Variants in TNFRSF14 observed in about 807,000 individuals in gnomAD.
TNFRSF14 encodes the protein tumor necrosis factor receptor superfamily member 14.
TNFRSF14 carries 18 observed loss-of-function variants against 34.1 expected under a neutral mutation model. That is an observed-to-expected ratio of 0.53 (90% CI 0.36 to 0.78). The LOEUF (loss-of-function observed/expected upper bound fraction) is 0.78. Among genes scored for constraint, TNFRSF14 ranks in the 30% least tolerant of loss-of-function variants. TNFRSF14 has a pLI of 0.00. For synonymous variants in TNFRSF14, 157 were observed against 153.2 expected (o/e 1.02, Z -0.18); for missense variants, 352 against 379.5 (o/e 0.93, Z 0.60).
chr1:2,557,620 C>T (rs913423099), intron 1 of TNFRSF14, 106 bp from the exon 2 acceptor site: 15 of 824,004 alleles, frequency 1.8e-5, no homozygotes, highest in South Asian at 1.7e-4. Context: ...CCAGGCACTG[C>T]CGCTCCTCCC....
chr1:2,555,477 G>C (rs1423283553), upstream of TNFRSF14: 1 of 152,200 alleles, frequency 6.6e-6, no homozygotes, highest in Non-Finnish European at 1.5e-5. This position sits in a 1 kb window ranked among gnomAD's most constrained non-coding sequence, Gnocchi z 6.3. Flanking sequence ...TCCCCCAGGG[G>C]CCAGGGCTGG....
intron 3 of TNFRSF14, chr1:2,559,592 A>C: frequency 6.5e-7 from 1 of 1,532,174 alleles, no homozygotes; most frequent in Non-Finnish European, 8.7e-7. Context: ...AAGCCCTCCC[A>C]GGACCTTCCT....
chr1:2,557,926 C>A, intron 2 of TNFRSF14, 92 bp downstream of exon 2: 2 of 1,085,736 alleles, frequency 1.8e-6, no homozygotes, highest in Non-Finnish European at 2.6e-6. Flanking sequence ...TTCTCTGCCC[C>A]CACAGCCATG....
intron 2 of TNFRSF14, 48 bp from the exon 3 acceptor site, chr1:2,558,295 G>T (rs202098226): frequency 6.4e-7 from 1 of 1,565,416 alleles, no homozygotes; most frequent in Non-Finnish European, 8.6e-7. Flanking sequence ...GTGGGCTCCC[G>T]AAGGGGCCTC....
Position 2,561,466 on chromosome 1 carries a change from C to A in TNFRSF14, c.552-207C>A. On this transcript the variant is annotated intron_variant, in intron 5 of 7. Coordinates refer to ENST00000355716, the MANE Select transcript of TNFRSF14 (RefSeq NM_003820.4). This position sits in a 1 kb window ranked among gnomAD's most constrained non-coding sequence, Gnocchi z 6.0. ...CCAGTCTCTCCTTGTTTCTCTTCTCCTCCTTCCTTCTCTCCACCTCCCCAT... is the reference window on the plus strand; with the variant it reads ...CCAGTCTCTCCTTGTTTCTCTTCTCATCCTTCCTTCTCTCCACCTCCCCAT... 6.7e-7 allele frequency: 1 copy of A among 1,494,036 alleles called. No homozygotes were observed. Among genetic ancestry groups the A allele is most frequent in the Non-Finnish European group, 9.0e-7 (1 of 1,117,212 alleles). The allele number at this position is 1,494,036 out of a possible 1,614,324, so 92.5% of individuals were successfully genotyped here.
intron 3 of TNFRSF14, 175 bp downstream of exon 3, chr1:2,558,643 G>C: frequency 7.7e-7 from 1 of 1,302,508 alleles, no homozygotes; most frequent in East Asian, 2.4e-5. Context: ...GTCAGCCTCC[G>C]GCCCCCGTCC....
At position 2,558,468 on chromosome 1, in the gene TNFRSF14, G is replaced by A; in HGVS notation, c.304G>A (p.Ala102Thr). The change falls in exon 3 of 8, where the codon GCC (alanine) becomes ACC (threonine). Residue 102 changes from alanine (A) to threonine (T), a missense_variant and splice_region_variant. By Grantham distance (58) the Ala-to-Thr change is moderately conservative. Coordinates refer to ENST00000355716, the MANE Select transcript of TNFRSF14 (RefSeq NM_003820.4). ...KCLQCQMCDP[A>T]MGLRASRNCS... ...TCTGCAGTGCCAAATGTGTGACCCA[G>A]GTAAGAGGCCAGCACAGCCGGCCCA... 6.2e-7 allele frequency: 1 copy of A among 1,613,042 alleles called. No individual in the cohort carries two copies. Among genetic ancestry groups the A allele is most frequent in the Non-Finnish European group, 8.5e-7 (1 of 1,179,814 alleles).
Position 2,560,414 on chromosome 1 carries a change from G to C in TNFRSF14, c.461-210G>C, listed in dbSNP as rs980441191. On this transcript the variant is annotated intron_variant, in intron 4 of 7. Transcript: ENST00000355716. ...CACAGAGGGACTCCCGGACTCATGA[G>C]ATCCCAGCTACTCAAGGCCGGGACA... 9 of 582,662 alleles carry C rather than the reference G, an allele frequency of 1.5e-5. No homozygotes were observed. In the South Asian group the frequency reaches 1.9e-4, roughly 12 times the overall value. 36.1% of individuals were successfully genotyped at this position (582,662 alleles called of 1,614,324 possible).
Position 2,556,539 on chromosome 1 carries a change from C to A in TNFRSF14, c.-126C>A. 1.0e-6 allele frequency: 1 copy of A among 1,001,616 alleles called. No homozygotes were observed. The highest frequency in any genetic ancestry group is 1.4e-5 in the South Asian group (1 of 72,850). The allele number at this position is 1,001,616 out of a possible 1,614,324, so 62.0% of individuals were successfully genotyped here. Reference sequence around the variant, plus strand: ...GGGTTCTGAGGCACAGCTTGTCACACCGAGGCGGATTCTCTTTCTCTTTCT... The same window carrying A: ...GGGTTCTGAGGCACAGCTTGTCACAACGAGGCGGATTCTCTTTCTCTTTCT... On this transcript the variant is annotated 5_prime_UTR_variant, in exon 1 of 8. Transcript: ENST00000355716.
In TNFRSF14 at chr1:2,561,690, C is replaced by T. The variant is rs371222870; in HGVS notation, c.569C>T (p.Thr190Met). 10 of 1,613,118 alleles carry T rather than the reference C, an allele frequency of 6.2e-6. No individual in the cohort carries two copies. Among genetic ancestry groups the T allele is most frequent in the South Asian group, 3.3e-5 (3 of 91,080 alleles). Residue 190 changes from threonine (T) to methionine (M), a missense_variant, in exon 6 of 8, where the codon ACG becomes ATG. Thr to Met is a moderately conservative substitution (Grantham distance 81, BLOSUM62 -1). Transcript: ENST00000355716. This position sits in a 1 kb window ranked among gnomAD's most constrained non-coding sequence, Gnocchi z 6.0. ...TCCCGCAGGTGCAGCTGGCTGGTGACGAAGGCCGGAGCTGGGACCAGCAGC... is the reference window on the plus strand; with the variant it reads ...TCCCGCAGGTGCAGCTGGCTGGTGATGAAGGCCGGAGCTGGGACCAGCAGC... The part of the protein sequence containing the change: ...QHQTKCSWLV[T>M]KAGAGTSSSH...
At chr1:2,556,364 C>T, upstream of TNFRSF14, 1 of 650,814 alleles carries the variant, frequency 1.5e-6, no homozygotes, top group Admixed American at 2.1e-5. Flanking sequence ...CATCGGGCGC[C>T]TCCTTCATAC....
intron 4 of TNFRSF14, 80 bp downstream of exon 4, chr1:2,560,058 C>G: frequency 2.1e-6 from 3 of 1,453,244 alleles, no homozygotes; most frequent in African/African-American, 2.8e-5. Context: ...CAGGTTTCCT[C>G]GACGGCATGG....
At chr1:2,557,447 T>C (rs1272038679) in intron 1 of TNFRSF14, among the ~76,000 whole-genome samples, 1 of 151,634 alleles carries the variant, frequency 6.6e-6, no homozygotes, top group African/African-American at 2.4e-5. Context: ...AGGTGTGGGG[T>C]GTGGGGTCCC....
Position 2,557,787 on chromosome 1 carries a change from A to G in TNFRSF14, c.131A>G (p.Glu44Gly), listed in dbSNP as rs763322856. ...GCCCCAGCTCTGCCGTCCTGCAAGG[A>G]GGACGAGTACCCAGTGGGCTCCGAG... Reference protein sequence around the residue: ...CYAPALPSCKEDEYPVGSECC... With the variant: ...CYAPALPSCKGDEYPVGSECC... Residue 44 changes from glutamate to glycine, a missense_variant, in exon 2 of 8, where the codon GAG becomes GGG. By Grantham distance (98) the Glu-to-Gly change is moderately conservative (BLOSUM62 -2). Transcript: ENST00000355716. The G allele has an allele frequency of 1.9e-6, 3 of 1,611,830 alleles. No individual in the cohort carries two copies. In the South Asian group the frequency reaches 3.3e-5, roughly 18 times the overall value.
At chr1:2,558,543 A>G (rs1557476393) in intron 3 of TNFRSF14, 75 bp downstream of exon 3, 1 of 1,588,198 alleles carries the variant, frequency 6.3e-7, no homozygotes, top group Middle Eastern at 2.0e-4. Context: ...CCCTCTCTCC[A>G]TGGCCACAGT....
intron 3 of TNFRSF14, chr1:2,558,827 C>T (rs748545104): frequency 2.1e-5 from 28 of 1,323,318 alleles, no homozygotes; most frequent in Admixed American, 1.1e-4. Context: ...ACTCTCCGGC[C>T]GGCACTCGGG....
Position 2,556,373 on chromosome 1 carries a change from A to G in TNFRSF14, c.-292A>G, listed in dbSNP as rs767248210. 7.6e-6 allele frequency: 5 copies of G among 657,140 alleles called. No homozygotes were observed. Among genetic ancestry groups the G allele is most frequent in the South Asian group, 7.5e-5 (5 of 66,300 alleles). The allele number at this position is 657,140 out of a possible 1,614,324, so 40.7% of individuals were successfully genotyped here. On this transcript the variant is annotated 5_prime_UTR_variant, in exon 1 of 8. In the 5' UTR this introduces an upstream ATG that the reference lacks. Transcript: ENST00000355716. ...CCCTCCCATCGGGCGCCTCCTTCATACCGGCCCTTCCCCTCGGCTTTGCCT... is the reference window on the plus strand; with the variant it reads ...CCCTCCCATCGGGCGCCTCCTTCATGCCGGCCCTTCCCCTCGGCTTTGCCT...
chr1:2,559,018 A>G, intron 3 of TNFRSF14: 1 of 1,368,302 alleles, frequency 7.3e-7, no homozygotes, highest in Non-Finnish European at 9.6e-7. Flanking sequence ...CCATGCGGCC[A>G]ACGGCTCTGT....
chr1:2,558,758 G>A, intron 3 of TNFRSF14: 1 of 1,247,318 alleles, frequency 8.0e-7, no homozygotes, highest in Admixed American at 3.0e-5. Flanking sequence ...CGGGGTGGGT[G>A]CCCAGACCTC....
Sources: gnomAD v4.1 joint callset for allele counts (sites outside exome capture counted in the v4.1 genomes callset) on GRCh38, gnomAD v4.1.1 for gene constraint, Gnocchi (gnomAD v3.1) non-coding constraint, MANE v1.5 for transcripts, NCBI Gene and HGNC (gene_info 2026-07-23, HGNC 2026-07-21) for gene names.